PVR: variants seen among roughly 807,000 people sequenced by gnomAD.
PVR encodes PVR cell adhesion molecule.
Under a neutral mutation model 43.3 loss-of-function variants are expected in PVR, and 39 were observed. The ratio of observed to expected loss-of-function variants is 0.90; its 90% CI spans 0.70 to 1.18. The LOEUF is 1.18. PVR is among the 50% of genes most tolerant of loss of function. The pLI is 0.00. For synonymous variants in PVR, 224 were observed against 233.2 expected (o/e 0.96, Z 0.36); for missense variants, 480 against 549.7 (o/e 0.87, Z 1.27).
intron 5 of PVR, 86 bp downstream of exon 5, chr19:44,657,996 C>T: frequency 7.0e-7 from 1 of 1,418,984 alleles, no homozygotes; most frequent in Non-Finnish European, 9.6e-7. Flanking sequence ...TGGCTCCCAT[C>T]CTTCTCCTAA....
intron 1 of PVR, 87 bp from the exon 2 acceptor site, chr19:44,647,122 CAGCGTGCAAGTGCA>C: frequency 1.3e-6 from 1 of 781,194 alleles, no homozygotes; most frequent in Non-Finnish European, 2.0e-6. Context: ...TCCAGGGCCC[CAGCGTGCAAGTGCA>C]CGCCCAGGTG....
chr19:44,661,731 C>G lies in PVR; in HGVS notation c.1183-9C>G, dbSNP rs1973596195. The G allele has an allele frequency of 1.9e-6, 3 of 1,613,686 alleles. No homozygotes were observed. In the Admixed American group the frequency reaches 5.0e-5, roughly 27 times the overall value. The stretch of plus-strand genomic sequence containing the variant: ...GCCCCAAGGCTAAAATTTGAAAACC[C>G]TCTTCTAGCATGTCTCCTATTCAGC... On this transcript the variant is annotated splice_polypyrimidine_tract_variant and intron_variant, in intron 7 of 7. Transcript: ENST00000425690.
chr19:44,658,018 A>G (rs1599773100), intron 5 of PVR, 108 bp downstream of exon 5: 1 of 1,239,156 alleles, frequency 8.1e-7, no homozygotes, highest in Non-Finnish European at 1.1e-6. Context: ...CCTTCTCACA[A>G]AAGGACCAGT....
intron 4 of PVR, 109 bp from the exon 5 acceptor site, chr19:44,657,653 G>A (rs932442619): frequency 1.7e-5 from 19 of 1,143,180 alleles, no homozygotes; most frequent in South Asian, 5.6e-5. Flanking sequence ...GTTGCTCTCC[G>A]CTTATGCTAT....
intron 1 of PVR, among the ~76,000 whole-genome samples, chr19:44,646,920 A>G (rs1034131384): frequency 2.0e-5 from 3 of 152,252 alleles, no homozygotes; most frequent in African/African-American, 7.2e-5. Flanking sequence ...ATTTACCACA[A>G]TTTTTTAAAT....
chr19:44,658,916 G>A lies in PVR; in HGVS notation c.1150+16G>A. The A allele has an allele frequency of 1.2e-6, 2 of 1,611,312 alleles. No individual in the cohort carries two copies. The highest frequency in any genetic ancestry group is 1.1e-5 in the South Asian group (1 of 90,938). ...TGTCCCTCGAGTGAGCATCACCAGA[G>A]CTGCCGTAATTGAGCACCTACTACG... On this transcript the variant is annotated intron_variant, in intron 6 of 7. Transcript: ENST00000425690.
intron 1 of PVR, 104 bp downstream of exon 1, chr19:44,644,279 G>A (rs1973012702): frequency 1.2e-6 from 1 of 818,236 alleles, no homozygotes; most frequent in South Asian, 2.0e-5. Context: ...GGCCCCGCCC[G>A]GCGCCACCCA....
At chr19:44,647,085 C>CCCCCCCCCCCCCCCCCCCCA in intron 1 of PVR, 138 bp from the exon 2 acceptor site, 1 of 395,086 alleles carries the variant, frequency 2.5e-6, no homozygotes, top group Non-Finnish European at 4.4e-6. Context: ...GTTCCCCCTC[C>CCCCCCCCCCCCCCCCCCCCA]CCCCACACCC....
chr19:44,647,112 T>A lies in PVR; in HGVS notation c.80-111T>A, dbSNP rs1324359615. The A allele has an allele frequency of 8.7e-6, 3 of 345,386 alleles. No individual in the cohort carries two copies. The Admixed American group carries it at 1.8e-4, about 21-fold the overall frequency. 21.4% of individuals were successfully genotyped at this position (345,386 alleles called of 1,614,324 possible). A position where few individuals can be genotyped will look rare whatever the true frequency, so the allele number is the denominator to read the frequency against. ...CCCACACCCCACGGTCCACCGGGGA[T>A]CCAGGGCCCCAGCGTGCAAGTGCAC... On this transcript the variant is annotated intron_variant, in intron 1 of 7. Transcript: ENST00000425690.
intron 6 of PVR, among the ~76,000 whole-genome samples, chr19:44,659,496 T>C (rs1165449712): frequency 6.6e-6 from 1 of 152,186 alleles, no homozygotes; most frequent in Non-Finnish European, 1.5e-5. Flanking sequence ...TTTATTTATT[T>C]ATTTTTGAGA....
At chr19:44,656,700 T>C (rs1354777692) in intron 4 of PVR, among the ~76,000 whole-genome samples, 3 of 152,210 alleles carry the variant, frequency 2.0e-5, no homozygotes, top group Admixed American at 2.0e-4. Context: ...CTGGGCGCCA[T>C]GACTCATACC....
chr19:44,646,468 G>A (rs528865414), intron 1 of PVR, among the ~76,000 whole-genome samples: 2 of 152,242 alleles, frequency 1.3e-5, no homozygotes, highest in South Asian at 4.2e-4. Flanking sequence ...ACACTGGTGC[G>A]ATGAAAAAGT....
chr19:44,651,294 CAT>C (rs946274079), intron 3 of PVR, among the ~76,000 whole-genome samples: 5 of 152,140 alleles, frequency 3.3e-5, no homozygotes, highest in African/African-American at 1.2e-4. Context: ...CACTGTCTCC[CAT>C]AGTGTCTACA....
Position 44,647,482 on chromosome 19 carries a change from G to GCGCGTT in PVR, c.344_345insTCGCGT (p.Arg114_Val115dup), listed in dbSNP as rs1160826021. 1 of 1,614,114 alleles carries GCGCGTT rather than the reference G, an allele frequency of 6.2e-7. No individual in the cohort carries two copies. Among genetic ancestry groups the GCGCGTT allele is most frequent in the South Asian group, 1.1e-5 (1 of 91,076 alleles). ...ATGCCTCGCTGAGGATGTTCGGGTTGCGCGTAGAGGATGAAGGCAACTACA... is the reference window on the plus strand; with the variant it reads ...ATGCCTCGCTGAGGATGTTCGGGTTGCGCGTTCGCGTAGAGGATGAAGGCAACTACA... On this transcript the variant is annotated inframe_insertion, in exon 2 of 8. Coordinates refer to ENST00000425690, the MANE Select transcript of PVR (RefSeq NM_006505.5).
At position 44,663,260 on chromosome 19, in the gene PVR, CTGTT is replaced by C. The variant is rs996464164; in HGVS notation, c.*1452_*1455del. On this transcript the variant is annotated 3_prime_UTR_variant, in exon 8 of 8. Transcript: ENST00000425690. ...AGCAGAATTCCTCTTATAAAGAAAA[CTGTT>C]TGGGAAAATACGTTGAGGGAGAGAA... 2.6e-5 allele frequency: 4 copies of C among 152,162 alleles called. No homozygotes were observed. The highest frequency in any genetic ancestry group is 2.1e-4 in the South Asian group (1 of 4,822). The allele number at this position is 152,162 out of a possible 1,614,324, so 9.4% of individuals were successfully genotyped here.
intron 3 of PVR, among the ~76,000 whole-genome samples, chr19:44,650,615 T>A (rs903879813): frequency 2.7e-5 from 4 of 150,648 alleles, no homozygotes; most frequent in Non-Finnish European, 5.9e-5. Flanking sequence ...CAGGCTGCAG[T>A]ACAGTGGCAT....
Position 44,658,850 on chromosome 19 carries a change from G to T in PVR, c.1100G>T (p.Trp367Leu). ...CTGGGGATCGGGATTTATTTCTATT[G>T]GTCCAAATGTTCCCGTGAGGTCCTT... ...ILLGIGIYFYWSKCSREVLWH... is the reference protein window; with the variant it reads ...ILLGIGIYFYLSKCSREVLWH... The change falls in exon 6 of 8, where the codon TGG (tryptophan) becomes TTG (leucine). Residue 367 changes from tryptophan to leucine, a missense_variant. Trp to Leu is a moderately conservative substitution (Grantham distance 61). Coordinates refer to ENST00000425690, the MANE Select transcript of PVR (RefSeq NM_006505.5). 1 of 1,614,058 alleles carries T rather than the reference G, an allele frequency of 6.2e-7. No individual in the cohort carries two copies. Among genetic ancestry groups the T allele is most frequent in the Non-Finnish European group, 8.5e-7 (1 of 1,180,004 alleles).
At chr19:44,644,676 A>G (rs144071531) in intron 1 of PVR, among the ~76,000 whole-genome samples, 2,338 of 149,404 alleles carry the variant, frequency 0.016, 61 homozygotes, top group African/African-American at 0.053. Flanking sequence ...CTGACCCCCA[A>G]TGTCTGACTC....
Position 44,645,148 on chromosome 19 carries a change from A to G in PVR, c.79+973A>G, listed in dbSNP as rs1322150048. ...ATTATAATATATTATATATATTATT[A>G]TAATATATAATATGTATATTATATA... On this transcript the variant is annotated intron_variant, in intron 1 of 7. Transcript: ENST00000425690. Among the ~76,000 whole-genome samples the G allele has an allele frequency of 1.8e-4, 14 of 78,488 alleles. 1 individual carries two copies. Among genetic ancestry groups the G allele is most frequent in the East Asian group, 1.7e-3 (5 of 2,992 alleles). The allele number at this position is 78,488 out of a possible 152,430, so 51.5% of individuals were successfully genotyped here.
Sources: allele counts gnomAD v4.1 joint callset (sites outside exome capture counted in the v4.1 genomes callset), GRCh38; gene constraint gnomAD v4.1.1; transcripts MANE v1.5; gene names NCBI Gene and HGNC (gene_info 2026-07-23, HGNC 2026-07-21).